ARHGEF2: variants seen among roughly 807,000 people sequenced by gnomAD.
The protein encoded by ARHGEF2 is rho guanine nucleotide exchange factor 2.
A neutral mutation model predicts 121.0 loss-of-function variants in ARHGEF2; 22 were observed. That is an observed-to-expected ratio of 0.18 (90% CI 0.13 to 0.26). The LOEUF (loss-of-function observed/expected upper bound fraction) is 0.26. Among genes scored for constraint, ARHGEF2 ranks in the 10% least tolerant of loss-of-function variants. The pLI, the probability that ARHGEF2 is intolerant of heterozygous loss-of-function variation, is 1.00. For missense variants in ARHGEF2, 907 were observed against 1,336.0 expected (o/e 0.68, Z 5.01); for synonymous variants, 487 against 530.0 (o/e 0.92, Z 1.11).
At chr1:155,971,542 T>A (rs1002823731) in intron 1 of ARHGEF2, among the ~76,000 whole-genome samples, 4 of 140,778 alleles carry the variant, frequency 2.8e-5, no homozygotes, top group Non-Finnish European at 6.1e-5. Flanking sequence ...ATTGGGCCAC[T>A]GCACTCCAGC....
chr1:155,949,566 G>A (rs1222632925), intron 21 of ARHGEF2, among the ~76,000 whole-genome samples: 8 of 150,174 alleles, frequency 5.3e-5, no homozygotes, highest in Non-Finnish European at 1.2e-4. Flanking sequence ...GCGACAGAGT[G>A]AGAATTCCAT....
intron 4 of ARHGEF2, 46 bp downstream of exon 4, chr1:155,966,370 G>A (rs1408716639): frequency 3.8e-6 from 6 of 1,596,326 alleles, no homozygotes; most frequent in Non-Finnish European, 5.2e-6. Context: ...TGAGCAGCCT[G>A]GGGTCCAGGG....
intron 7 of ARHGEF2, among the ~76,000 whole-genome samples, chr1:155,964,203 T>C (rs1368683101): frequency 1.5e-5 from 2 of 132,480 alleles, no homozygotes; most frequent in Admixed American, 7.6e-5. Flanking sequence ...TATATACATA[T>C]ATATATATAT....
At chr1:155,949,818 A>T (rs1675049787) in intron 21 of ARHGEF2, among the ~76,000 whole-genome samples, 1 of 152,168 alleles carries the variant, frequency 6.6e-6, no homozygotes, top group African/African-American at 2.4e-5. Flanking sequence ...CAGAGGTTGC[A>T]GTGAGCCAAG....
At chr1:155,966,141 C>T (rs910401211) in intron 4 of ARHGEF2, among the ~76,000 whole-genome samples, 2 of 152,120 alleles carry the variant, frequency 1.3e-5, no homozygotes, top group African/African-American at 4.8e-5. Context: ...CCAACACTCC[C>T]GAAATGCAGT....
In ARHGEF2 at chr1:155,969,618, C is replaced by G. The variant is rs768370082; in HGVS notation, c.64-318G>C. ...GCGTCCTCACTCCACCTTCCCAGCC[C>G]TAGCTCTGCTCACCCCCGAGCTGCT... On this transcript the variant is annotated intron_variant, in intron 1 of 21. Coordinates refer to ENST00000361247, the MANE Select transcript of ARHGEF2 (RefSeq NM_001162383.2). 128 of 1,194,570 alleles carry G rather than the reference C, an allele frequency of 1.1e-4. No individual in the cohort carries two copies. In the African/African-American group the frequency reaches 2.0e-3, roughly 19 times the overall value. The allele number at this position is 1,194,570 out of a possible 1,614,324, so 74.0% of individuals were successfully genotyped here.
Position 155,950,687 on chromosome 1 carries a change from G to T in ARHGEF2, c.2703+142C>A. 1 of 1,050,412 alleles carries T rather than the reference G, an allele frequency of 9.5e-7. No individual in the cohort carries two copies. Among genetic ancestry groups the T allele is most frequent in the Non-Finnish European group, 1.4e-6 (1 of 718,918 alleles). The allele number at this position is 1,050,412 out of a possible 1,614,324, so 65.1% of individuals were successfully genotyped here. A position where few individuals can be genotyped will look rare whatever the true frequency, so the allele number is the denominator to read the frequency against. ...CTGCACCCATCTACATTTCTTTTCA[G>T]TTCTCCAACCAGTATCTCAATATCC... On this transcript the variant is annotated intron_variant, in intron 20 of 21. Coordinates refer to ENST00000361247, the MANE Select transcript of ARHGEF2 (RefSeq NM_001162383.2). The surrounding 1 kb of genome is among the most constrained non-coding windows in gnomAD (Gnocchi z 5.2).
chr1:155,972,466 G>A (rs943107046), intron 1 of ARHGEF2: 6 of 346,850 alleles, frequency 1.7e-5, no homozygotes, highest in Non-Finnish European at 3.5e-5. Context: ...TGCTCCAGAG[G>A]TGGAGTGAGT....
At chr1:155,966,943 A>G in intron 2 of ARHGEF2, 56 bp from the exon 3 acceptor site, 1 of 1,518,982 alleles carries the variant, frequency 6.6e-7, no homozygotes, top group Non-Finnish European at 9.1e-7. Flanking sequence ...AGGAGGGGAC[A>G]CACCCACATG....
In ARHGEF2 at chr1:155,952,658, C is replaced by T. The variant is rs754434988; in HGVS notation, c.1954G>A (p.Glu652Lys). ...CGGATGGCATCCTGCAGCAGCCGCT[C>T]GCCACGAGGGGACTCAAGGGACTCA... ...RSESLESPRG[E>K]RLLQDAIREV... The change falls in exon 15 of 22, where the codon GAG (glutamate) becomes AAG (lysine). Residue 652 changes from glutamate to lysine, a missense_variant. Physicochemically the swap from Glu to Lys is moderately conservative, Grantham distance 56 (BLOSUM62 1). Transcript: ENST00000361247. 1.7e-5 allele frequency: 28 copies of T among 1,613,286 alleles called. No homozygotes were observed. Among genetic ancestry groups the T allele is most frequent in the Non-Finnish European group, 2.2e-5 (26 of 1,179,286 alleles).
chr1:155,965,412 T>C lies in ARHGEF2; in HGVS notation c.471A>G (p.Gly157=). Residue 157 remains glycine (G), a splice_region_variant and synonymous_variant, in exon 6 of 22, where the codon GGA becomes GGG. Transcript: ENST00000361247. The surrounding 1 kb of genome is among the most constrained non-coding windows in gnomAD (Gnocchi z 6.0). ...AKSVSTTNIA[G]HFNDESPLGL... is the part of the protein sequence containing the mutation. ...CCAGGGGAGACTCATCATTGAAATG[T>C]CTGAAGAAAGTGGAGGCTGTCTGCA... 1.2e-6 allele frequency: 2 copies of C among 1,613,938 alleles called. No individual in the cohort carries two copies. The highest frequency in any genetic ancestry group is 1.7e-6 in the Non-Finnish European group (2 of 1,179,834).
chr1:155,965,906 A>G lies in ARHGEF2; in HGVS notation c.341-146T>C, dbSNP rs1434512160. ...CAAGAAAGATGGTAATGAGAATGCC[A>G]CCTTACATTTGTGCCATACTCTAAT... On this transcript the variant is annotated intron_variant, in intron 4 of 21. Transcript: ENST00000361247. This position sits in a 1 kb window ranked among gnomAD's most constrained non-coding sequence, Gnocchi z 6.0. 8 of 1,029,788 alleles carry G rather than the reference A, an allele frequency of 7.8e-6. No homozygotes were observed. In the East Asian group the frequency reaches 2.3e-4, roughly 29 times the overall value. The allele number at this position is 1,029,788 out of a possible 1,614,324, so 63.8% of individuals were successfully genotyped here. A position where few individuals can be genotyped will look rare whatever the true frequency, so the allele number is the denominator to read the frequency against.
Position 155,961,933 on chromosome 1 carries a change from G to C in ARHGEF2, c.1220-24C>G, listed in dbSNP as rs760598075. On this transcript the variant is annotated intron_variant, in intron 10 of 21. Coordinates refer to ENST00000361247, the MANE Select transcript of ARHGEF2 (RefSeq NM_001162383.2). The surrounding 1 kb of genome is among the most constrained non-coding windows in gnomAD (Gnocchi z 4.7). The stretch of plus-strand genomic sequence containing the variant: ...CCCTGGCACCGGGGGTTGGCATGGG[G>C]AACGGCTCAACCAGTTTCACTCACA... 3 of 1,613,090 alleles carry C rather than the reference G, an allele frequency of 1.9e-6. No individual in the cohort carries two copies. The highest frequency in any genetic ancestry group is 3.3e-5 in the Admixed American group (2 of 60,006).
Position 155,947,088 on chromosome 1 carries a change from A to C in ARHGEF2, c.*854T>G, listed in dbSNP as rs1301222046. 1 of 232,370 alleles carries C rather than the reference A, an allele frequency of 4.3e-6. No homozygotes were observed. The highest frequency in any genetic ancestry group is 8.8e-6 in the Non-Finnish European group (1 of 113,532). The allele number at this position is 232,370 out of a possible 1,614,324, so 14.4% of individuals were successfully genotyped here. On this transcript the variant is annotated 3_prime_UTR_variant, in exon 22 of 22. Coordinates refer to ENST00000361247, the MANE Select transcript of ARHGEF2 (RefSeq NM_001162383.2). ...GAACTTGTTTCTAAATGGCTGGGGA[A>C]GAGGTCAGTATAGGTCCCCCCGTTA...
At chr1:155,977,228 T>TG (rs916126230) in intron 1 of ARHGEF2, among the ~76,000 whole-genome samples, 1 of 152,076 alleles carries the variant, frequency 6.6e-6, no homozygotes, top group African/African-American at 2.4e-5. Context: ...ATGGGTACAG[T>TG]GCGGGGGCCC....
Position 155,950,857 on chromosome 1 carries a change from G to A in ARHGEF2, c.2675C>T (p.Ala892Val). The change falls in exon 20 of 22, where the codon GCC becomes GTC. Residue 892 changes from alanine to valine, a missense_variant. Coordinates refer to ENST00000361247, the MANE Select transcript of ARHGEF2 (RefSeq NM_001162383.2). This position sits in a 1 kb window ranked among gnomAD's most constrained non-coding sequence, Gnocchi z 5.2. Reference sequence around the variant, plus strand: ...TGGGGGGTTGAAACTCAAGTACAGGGCATCGCCTGCGGGGAGGCTGCGCCG... The same window carrying A: ...TGGGGGGTTGAAACTCAAGTACAGGACATCGCCTGCGGGGAGGCTGCGCCG... The part of the protein sequence containing the change: ...PRRRSLPAGD[A>V]LYLSFNPPQP... 1 of 1,541,462 alleles carries A rather than the reference G, an allele frequency of 6.5e-7. No homozygotes were observed. Among genetic ancestry groups the A allele is most frequent in the Non-Finnish European group, 8.7e-7 (1 of 1,144,750 alleles).
At chr1:155,967,581 T>TA (rs1042859754) in intron 2 of ARHGEF2, among the ~76,000 whole-genome samples, 4 of 151,990 alleles carry the variant, frequency 2.6e-5, no homozygotes, top group African/African-American at 7.2e-5. Flanking sequence ...GCTCCAGTGG[T>TA]AAAGAAGGGA....
At chr1:155,971,059 C>T in intron 1 of ARHGEF2, 1 of 986,738 alleles carries the variant, frequency 1.0e-6, no homozygotes, top group Non-Finnish European at 1.2e-6. Context: ...CGCCACTGTT[C>T]TCCTCTCCCG....
In ARHGEF2 at chr1:155,952,173, G is replaced by T; in HGVS notation, c.2047C>A (p.Pro683Thr). 1 of 1,614,158 alleles carries T rather than the reference G, an allele frequency of 6.2e-7. No homozygotes were observed. Among genetic ancestry groups the T allele is most frequent in the Non-Finnish European group, 8.5e-7 (1 of 1,180,034 alleles). ...GVELLLTPRE[P>T]ALPLEPDSGG... The stretch of plus-strand genomic sequence containing the variant: ...CTGTCTGGTTCCAAGGGCAGGGCTG[G>T]CTCTCGGGGTGTCAAGAGCAGTTCC... Residue 683 changes from proline (P) to threonine (T), a missense_variant, in exon 16 of 22, where the codon CCA becomes ACA. Physicochemically the swap from Pro to Thr is conservative, Grantham distance 38. Transcript: ENST00000361247.
Sources: gnomAD v4.1 joint callset for allele counts (sites outside exome capture counted in the v4.1 genomes callset) on GRCh38, gnomAD v4.1.1 for gene constraint, Gnocchi (gnomAD v3.1) non-coding constraint, MANE v1.5 for transcripts, NCBI Gene and HGNC (gene_info 2026-07-23, HGNC 2026-07-21) for gene names.